TTC34: variants seen among roughly 807,000 people sequenced by gnomAD.
TTC34 encodes tetratricopeptide repeat protein 34.
Under a neutral mutation model 40.7 loss-of-function variants are expected in TTC34, and 44 were observed. That is an observed-to-expected ratio of 1.08 (90% CI 0.85 to 1.39). TTC34 has a LOEUF of 1.39. Among genes scored for constraint, TTC34 ranks in the 40% most tolerant of loss-of-function variants. The pLI is 0.00. For missense variants in TTC34, 884 were observed against 838.0 expected (o/e 1.05, Z -0.68); for synonymous variants, 422 against 398.6 (o/e 1.06, Z -0.70).
Position 2,644,535 on chromosome 1 carries a change from A to T in TTC34, c.2498-57T>A, listed in dbSNP as rs550261463. The T allele has an allele frequency of 1.9e-5, 28 of 1,475,492 alleles. No individual in the cohort carries two copies. In the East Asian group the frequency reaches 6.7e-4, roughly 36 times the overall value. 91.4% of individuals were successfully genotyped at this position (1,475,492 alleles called of 1,614,324 possible). ...GTGGGGTTGGGCAGAGGTGCGAGAG[A>T]GCTGAGACTCGCTGGCCGCTCCTTC... is the stretch of plus-strand genomic sequence containing the variant. On this transcript the variant is annotated intron_variant, in intron 7 of 8. Transcript: ENST00000401095.
intron 6 of TTC34, among the ~76,000 whole-genome samples, chr1:2,759,524 G>GGTGCGC (rs1641622005): frequency 6.7e-6 from 1 of 150,096 alleles, no homozygotes; most frequent in Non-Finnish European, 1.5e-5. Flanking sequence ...CACACCCCCA[G>GGTGCGC]ATGAGCATCT....
chr1:2,685,926 G>T (rs1299306013), intron 6 of TTC34, among the ~76,000 whole-genome samples: 1 of 144,466 alleles, frequency 6.9e-6, no homozygotes, highest in Non-Finnish European at 1.5e-5. Flanking sequence ...ACACCCCCAG[G>T]TGAGCATGTG....
At chr1:2,784,980 C>CACTCTGGGCA (rs1348331868) in intron 5 of TTC34, among the ~76,000 whole-genome samples, 1 of 27,178 alleles carries the variant, frequency 3.7e-5, no homozygotes, top group Non-Finnish European at 6.6e-5. Flanking sequence ...CACTCTGGGC[C>CACTCTGGGCA]GCTCTGGGCT....
chr1:2,693,970 C>A, intron 6 of TTC34, among the ~76,000 whole-genome samples: 1 of 80,112 alleles, frequency 1.2e-5, no homozygotes, highest in South Asian at 3.7e-4. Context: ...ATCTGACAGC[C>A]TGGAACAGCA....
At chr1:2,642,804 G>A (rs948397117) in intron 8 of TTC34, among the ~76,000 whole-genome samples, 4 of 152,176 alleles carry the variant, frequency 2.6e-5, no homozygotes, top group Admixed American at 6.5e-5. Context: ...GGGCGAAGCC[G>A]AGGCCCACGC....
chr1:2,675,057 G>C (rs1570787209), intron 6 of TTC34, among the ~76,000 whole-genome samples: 1 of 129,708 alleles, frequency 7.7e-6, no homozygotes, highest in African/African-American at 2.8e-5. Flanking sequence ...GTGAGCATCG[G>C]AGAGTCAGGA....
chr1:2,795,592 C>T (rs1643704396), intron 2 of TTC34, among the ~76,000 whole-genome samples: 2 of 152,198 alleles, frequency 1.3e-5, no homozygotes, highest in South Asian at 2.1e-4. Context: ...TTCTACTGGT[C>T]CCAGCAAGGC....
intron 6 of TTC34, among the ~76,000 whole-genome samples, chr1:2,756,026 C>A (rs1193045404): frequency 1.1e-5 from 1 of 89,434 alleles, no homozygotes; most frequent in Non-Finnish European, 2.0e-5. Context: ...CACACACACC[C>A]CCAGGCGAGC....
intron 6 of TTC34, among the ~76,000 whole-genome samples, chr1:2,655,606 C>A (rs939426983): frequency 3.3e-5 from 5 of 149,702 alleles, no homozygotes; most frequent in African/African-American, 1.2e-4. Context: ...TGGAACAGCA[C>A]GCTGCACCCC....
Position 2,790,362 on chromosome 1 carries a change from G to A in TTC34, c.785-16C>T. On this transcript the variant is annotated splice_polypyrimidine_tract_variant and intron_variant, in intron 2 of 8. Transcript: ENST00000401095. ...CGGCGCTCACCTGCGGAGAGAAACA[G>A]AGGCGTGGGTTCTGCCTGGGGGGCC... 2.5e-6 allele frequency: 1 copy of A among 398,554 alleles called. No homozygotes were observed. The highest frequency in any genetic ancestry group is 1.3e-4 in the South Asian group (1 of 7,846). The allele number at this position is 398,554 out of a possible 1,614,324, so 24.7% of individuals were successfully genotyped here. A position where few individuals can be genotyped will look rare whatever the true frequency, so the allele number is the denominator to read the frequency against.
chr1:2,691,594 A>G (rs150908844), intron 6 of TTC34, among the ~76,000 whole-genome samples: 1 of 39,216 alleles, frequency 2.5e-5, no homozygotes. Context: ...CCCAGGTGAG[A>G]CCCTGACAGC....
chr1:2,641,449 C>T (rs1267618298), exon 9 of TTC34: 1 of 1,535,464 alleles, frequency 6.5e-7, no homozygotes, highest in Non-Finnish European at 8.7e-7. Context: ...CGGGGTCCAC[C>T]AGGAGGCCGC....
intron 3 of TTC34, among the ~76,000 whole-genome samples, chr1:2,789,144 G>A (rs974363969): frequency 6.6e-6 from 1 of 152,182 alleles, no homozygotes; most frequent in Non-Finnish European, 1.5e-5. Flanking sequence ...GTAGTGGCAG[G>A]GGCGCAGGTC....
chr1:2,749,327 A>T (rs1641241979), intron 6 of TTC34, among the ~76,000 whole-genome samples: 1 of 82,350 alleles, frequency 1.2e-5, no homozygotes, highest in East Asian at 3.7e-4. Flanking sequence ...CCACACCCAC[A>T]GGTGAGCATC....
intron 6 of TTC34, among the ~76,000 whole-genome samples, chr1:2,752,840 G>T (rs1199120926): frequency 1.6e-5 from 2 of 125,964 alleles, no homozygotes; most frequent in Non-Finnish European, 3.4e-5. Flanking sequence ...TGACAGACTG[G>T]AACAGCACCC....
intron 6 of TTC34, among the ~76,000 whole-genome samples, chr1:2,758,937 T>G (rs1479208016): frequency 9.7e-4 from 14 of 14,394 alleles, no homozygotes; most frequent in Non-Finnish European, 1.1e-3. Flanking sequence ...GCATCTTATA[T>G]CCTGGAACAG....
chr1:2,790,609 A>G (rs746595845), intron 2 of TTC34, among the ~76,000 whole-genome samples: 6 of 152,234 alleles, frequency 3.9e-5, no homozygotes, highest in African/African-American at 1.4e-4. Context: ...CCGGCCTGCC[A>G]GCGACACTGT....
At chr1:2,644,201 G>C in intron 8 of TTC34, 63 bp downstream of exon 8, 1 of 1,464,584 alleles carries the variant, frequency 6.8e-7, no homozygotes, top group Non-Finnish European at 9.2e-7. Context: ...GGTGGGCCCG[G>C]GGGTCTCATG....
At position 2,750,886 on chromosome 1, in the gene TTC34, C is replaced by A. The variant is rs1201432170; in HGVS notation, c.2226+32723G>T. Among the ~76,000 whole-genome samples the A allele has an allele frequency of 1.3e-4, 11 of 82,472 alleles. 2 individuals carry two copies. Among genetic ancestry groups the A allele is most frequent in the African/African-American group, 3.1e-4 (5 of 16,184 alleles). 54.1% of individuals were successfully genotyped at this position (82,472 alleles called of 152,430 possible). ...CTGACAGCGTGGAGCAGCACCCAAA[C>A]CCCCAGGCGAGCATCTGAACGCACG... On this transcript the variant is annotated intron_variant, in intron 6 of 8. Transcript: ENST00000401095.
Sources: gnomAD v4.1 joint callset for allele counts (sites outside exome capture counted in the v4.1 genomes callset) on GRCh38, gnomAD v4.1.1 for gene constraint, MANE v1.5 for transcripts, NCBI Gene and HGNC (gene_info 2026-07-23, HGNC 2026-07-21) for gene names.